Variants in CPLANE1 observed in about 807,000 individuals in gnomAD.
CPLANE1 encodes the protein ciliogenesis and planar polarity effector complex subunit 1.
CPLANE1 carries 263 observed loss-of-function variants against 362.5 expected under a neutral mutation model. The ratio of observed to expected loss-of-function variants is 0.73; its 90% CI spans 0.66 to 0.80. The LOEUF (loss-of-function observed/expected upper bound fraction) is 0.80. Among genes scored for constraint, CPLANE1 ranks in the 30% least tolerant of loss-of-function variants. The pLI is 0.00. For missense variants in CPLANE1, 3,461 were observed against 3,793.4 expected (o/e 0.91, Z 2.30); for synonymous variants, 1,212 against 1,302.6 (o/e 0.93, Z 1.50).
In CPLANE1 at chr5:37,206,387, C is replaced by T. The variant is rs1790743774; in HGVS notation, c.2959G>A (p.Val987Met). The T allele has an allele frequency of 6.4e-7, 1 of 1,551,498 alleles. No individual in the cohort carries two copies. The highest frequency in any genetic ancestry group is 2.0e-5 in the Admixed American group (1 of 50,988). The change falls in exon 17 of 53, where the codon GTG becomes ATG. Residue 987 changes from valine (V) to methionine (M), a missense_variant. Physicochemically the swap from Val to Met is conservative, Grantham distance 21. Transcript: ENST00000651892. ...FRLIPLQHSK[V>M]ASVVRDQNLS... ...TTCTGATCTCTAACAACACTGGCCA[C>T]CTTAGAGTGTTGCAGAGGAATAAGT...
Position 37,108,531 on chromosome 5 carries a change from T to A in CPLANE1, c.9401-60A>T, listed in dbSNP as rs1579743350. The A allele has an allele frequency of 3.4e-6, 5 of 1,463,462 alleles. No homozygotes were observed. In the East Asian group the frequency reaches 1.1e-4, roughly 34 times the overall value. 90.7% of individuals were successfully genotyped at this position (1,463,462 alleles called of 1,614,324 possible). A position where few individuals can be genotyped will look rare whatever the true frequency, so the allele number is the denominator to read the frequency against. ...TTGATTCATTCATTCATTCATTCATTTGTTAATTGTGACTTTTATCATCAA... is the reference window on the plus strand; with the variant it reads ...TTGATTCATTCATTCATTCATTCATATGTTAATTGTGACTTTTATCATCAA... On this transcript the variant is annotated intron_variant, in intron 51 of 52. Transcript: ENST00000651892.
the CPLANE1 span, chr5:37,085,106 T>G: frequency 4.0e-6 from 3 of 742,234 alleles, no homozygotes; most frequent in African/African-American, 5.2e-5. Context: ...CTCCAAAGCA[T>G]TGGATGCTGG....
At chr5:37,092,793 C>A in the CPLANE1 span, among the ~76,000 whole-genome samples, 1 of 152,202 alleles carries the variant, frequency 6.6e-6, no homozygotes, top group Non-Finnish European at 1.5e-5. Flanking sequence ...ATACTATAAC[C>A]TTTATTCATA....
downstream of CPLANE1, among the ~76,000 whole-genome samples, chr5:37,105,778 T>C (rs192942231): frequency 6.3e-3 from 962 of 152,216 alleles, 8 homozygotes; most frequent in African/African-American, 0.022. Context: ...CAGCAAAGGA[T>C]TAATAACCGC....
Position 37,158,300 on chromosome 5 carries a change from T to G in CPLANE1, c.7736A>C (p.Tyr2579Ser). Residue 2579 changes from tyrosine to serine, a missense_variant, in exon 39 of 53, where the codon TAT (tyrosine) becomes TCT (serine). By Grantham distance (144) the Tyr-to-Ser change is moderately radical (BLOSUM62 -2). Transcript: ENST00000651892. ...TAPQLLVPDV[Y>S]LNLKLSSEMS... is the part of the protein sequence containing the mutation. ...TTCACTGGAAAGCTTCAGATTTAGA[T>G]AGACATCTGGGACCAAGAGCTGAGG... The G allele has an allele frequency of 6.2e-7, 1 of 1,613,918 alleles. No individual in the cohort carries two copies. The highest frequency in any genetic ancestry group is 1.1e-5 in the South Asian group (1 of 91,070).
chr5:37,083,396 T>C, the CPLANE1 span, among the ~76,000 whole-genome samples: 1 of 152,102 alleles, frequency 6.6e-6, no homozygotes, highest in Admixed American at 6.6e-5. Context: ...AAAATCACAC[T>C]AGCTCACCAG....
At chr5:37,100,538 A>G in the CPLANE1 span, among the ~76,000 whole-genome samples, 1 of 152,210 alleles carries the variant, frequency 6.6e-6, no homozygotes, top group East Asian at 1.9e-4. Flanking sequence ...GAAGTCAGGT[A>G]GCATGATGCC....
At chr5:37,089,089 A>G in the CPLANE1 span, among the ~76,000 whole-genome samples, 1 of 152,168 alleles carries the variant, frequency 6.6e-6, no homozygotes, top group Non-Finnish European at 1.5e-5. Context: ...TCACTGATCA[A>G]GGACCCATGA....
chr5:37,234,222 G>A (rs184907840), intron 8 of CPLANE1, among the ~76,000 whole-genome samples: 8 of 152,010 alleles, frequency 5.3e-5, no homozygotes, highest in African/African-American at 1.2e-4. Flanking sequence ...AAAATTGTCC[G>A]GTAATAGATG....
chr5:37,187,644 G>C lies in CPLANE1; in HGVS notation c.3922-72C>G, dbSNP rs1784427239. 18 of 1,553,504 alleles carry C rather than the reference G, an allele frequency of 1.2e-5. No individual in the cohort carries two copies. In the South Asian group the frequency reaches 2.0e-4, roughly 17 times the overall value. ...TAGACCAGAATGAGTTCAAAAGAAA[G>C]TTTTGCTACAAACAATAAAATCTTC... On this transcript the variant is annotated intron_variant, in intron 22 of 52. Coordinates refer to ENST00000651892, the MANE Select transcript of CPLANE1 (RefSeq NM_001384732.1).
rs544960548 is a variant in CPLANE1, at chr5:37,212,288, C to T, written c.2920+1271G>A. On this transcript the variant is annotated intron_variant, in intron 16 of 52. Transcript: ENST00000651892. ...CAGATAAGAGCTCAAAAAAGATGGT[C>T]CAGGAAGGCTCCCTAGTGGACACAC... 9.6e-6 allele frequency: 11 copies of T among 1,142,518 alleles called. No individual in the cohort carries two copies. The African/African-American group carries it at 1.2e-4, about 13-fold the overall frequency. 70.8% of individuals were successfully genotyped at this position (1,142,518 alleles called of 1,614,324 possible). A position where few individuals can be genotyped will look rare whatever the true frequency, so the allele number is the denominator to read the frequency against.
At chr5:37,087,173 G>C in the CPLANE1 span, among the ~76,000 whole-genome samples, 2 of 152,190 alleles carry the variant, frequency 1.3e-5, no homozygotes, top group Non-Finnish European at 2.9e-5. Flanking sequence ...AGGCACGCTA[G>C]ATGTAGAATG....
In CPLANE1 at chr5:37,208,486, G is replaced by A. The variant is rs564921085; in HGVS notation, c.2921-2061C>T. 2.6e-5 allele frequency among the ~76,000 whole-genome samples: 4 copies of A among 152,276 alleles called. No homozygotes were observed. In the South Asian group the frequency reaches 8.3e-4, roughly 32 times the overall value. On this transcript the variant is annotated intron_variant, in intron 16 of 52. Transcript: ENST00000651892. Reference sequence around the variant, plus strand: ...AGGTCAGGAGATCGAGACCATCCTGGCTAACACGGTGAAACCCCGTCTCCA... The same window carrying A: ...AGGTCAGGAGATCGAGACCATCCTGACTAACACGGTGAAACCCCGTCTCCA...
At chr5:37,154,786 A>C (rs1211533517) in intron 41 of CPLANE1, among the ~76,000 whole-genome samples, 1 of 151,996 alleles carries the variant, frequency 6.6e-6, no homozygotes, top group African/African-American at 2.4e-5. Flanking sequence ...GAAAGATCCC[A>C]AATCTATATG....
rs1283043973 is a variant in CPLANE1 at position 37,108,383 on chromosome 5, C to T, written c.9489G>A (p.Glu3163=). The change falls in exon 52 of 53, where the codon GAG becomes GAA. Residue 3163 remains glutamate (E), a synonymous_variant. Transcript: ENST00000651892. ...LAPQTKQVCV[E]YEREETVVSP... The stretch of plus-strand genomic sequence containing the variant: ...TCACCACAGTCTCCTCTCTTTCATA[C>T]TCTACACACACCTGCTTGGTTTGAG... 3.7e-6 allele frequency: 6 copies of T among 1,614,032 alleles called. No individual in the cohort carries two copies. In the Admixed American group the frequency reaches 6.7e-5, roughly 18 times the overall value.
rs372380629 is a variant in CPLANE1, at chr5:37,187,757, T to C, written c.3897A>G (p.Ala1299=). The C allele has an allele frequency of 9.9e-6, 16 of 1,613,664 alleles. No homozygotes were observed. The African/African-American group carries it at 2.0e-4, about 20-fold the overall frequency. ...LSYSCRQYQK[A]RENVKGEKDL... is the part of the protein sequence containing the mutation. ...CCTTTTCTCCTTTTACATTTTCTCTTGCTTTCTGATATTGCCTGCAACTAT... is the reference window on the plus strand; with the variant it reads ...CCTTTTCTCCTTTTACATTTTCTCTCGCTTTCTGATATTGCCTGCAACTAT... The change falls in exon 22 of 53, where the codon GCA becomes GCG. Residue 1299 remains alanine, a synonymous_variant. Transcript: ENST00000651892.
intron 44 of CPLANE1, 145 bp downstream of exon 44, chr5:37,142,164 CA>C (rs1337466392): frequency 4.0e-6 from 5 of 1,263,754 alleles, no homozygotes; most frequent in Middle Eastern, 2.2e-4. Context: ...ATGTGACTAG[CA>C]AAAGTTTTAA....
intron 16 of CPLANE1, chr5:37,210,549 C>CTCAA: frequency 6.7e-7 from 1 of 1,488,906 alleles, no homozygotes. Context: ...AAAGGAGGAA[C>CTCAA]TCAATCAATC....
At chr5:37,146,443 C>G (rs910349372) in intron 43 of CPLANE1, among the ~76,000 whole-genome samples, 20 of 152,166 alleles carry the variant, frequency 1.3e-4, no homozygotes, top group African/African-American at 4.6e-4. Context: ...TCCCAAAGTG[C>G]TGGGATTACA....
Sources: allele counts gnomAD v4.1 joint callset (sites outside exome capture counted in the v4.1 genomes callset), GRCh38; gene constraint gnomAD v4.1.1; transcripts MANE v1.5; gene names NCBI Gene and HGNC (gene_info 2026-07-23, HGNC 2026-07-21).